The following ZNF804B variants were observed in gnomAD, a reference collection of about 807,000 sequenced individuals.
ZNF804B encodes zinc finger protein 804B.
A neutral mutation model predicts 101.4 loss-of-function variants in ZNF804B; 80 were observed. The ratio of observed to expected loss-of-function variants is 0.79; its 90% CI spans 0.66 to 0.95. The LOEUF (loss-of-function observed/expected upper bound fraction) is 0.95. Ranked by LOEUF, ZNF804B falls within the 40% of genes least tolerant of loss-of-function variation. The probability of loss-of-function intolerance (pLI) is 0.00; values close to 1 mark genes in which losing one functional copy is unlikely to be tolerated. For synonymous variants in ZNF804B, 622 were observed against 558.8 expected (o/e 1.11, Z -1.59); for missense variants, 1,673 against 1,561.9 (o/e 1.07, Z -1.20).
At chr7:89,298,247 T>TATAC (rs1356583042) in intron 2 of ZNF804B, among the ~76,000 whole-genome samples, 3 of 120,786 alleles carry the variant, frequency 2.5e-5, no homozygotes, top group African/African-American at 9.4e-5. Context: ...TATATATATA[T>TATAC]ATATATATAT....
At chr7:89,175,397 A>AT (rs1211668532) in intron 1 of ZNF804B, among the ~76,000 whole-genome samples, 4 of 151,736 alleles carry the variant, frequency 2.6e-5, no homozygotes, top group South Asian at 2.1e-4. Context: ...ATGTAGGGAT[A>AT]TTTTTTTCCG....
chr7:89,218,005 AC>A (rs1323929459), intron 1 of ZNF804B, 149 bp from the exon 2 acceptor site: 1 of 765,042 alleles, frequency 1.3e-6, no homozygotes, highest in African/African-American at 1.8e-5. Flanking sequence ...ATGATGCAAA[AC>A]TAAAAGTTAT....
chr7:89,066,891 T>A (rs1289070581), intron 1 of ZNF804B, among the ~76,000 whole-genome samples: 36 of 151,996 alleles, frequency 2.4e-4, no homozygotes, highest in Non-Finnish European at 3.4e-4. Context: ...GCCTCCTGAG[T>A]GTTCTTATTC....
chr7:88,848,916 ACAGGAGAG>A (rs1244211223), intron 1 of ZNF804B, among the ~76,000 whole-genome samples: 1 of 152,094 alleles, frequency 6.6e-6, no homozygotes, highest in Non-Finnish European at 1.5e-5. Context: ...AAGTTCCTGA[ACAGGAGAG>A]AGATGGATGA....
chr7:88,864,714 C>A (rs564813894), intron 1 of ZNF804B, among the ~76,000 whole-genome samples: 4 of 152,040 alleles, frequency 2.6e-5, no homozygotes, highest in African/African-American at 9.7e-5. Context: ...CATCTGGGAC[C>A]GAAAGCAATG....
At chr7:88,887,835 C>G (rs1792153518) in intron 1 of ZNF804B, among the ~76,000 whole-genome samples, 1 of 151,632 alleles carries the variant, frequency 6.6e-6, no homozygotes, top group Non-Finnish European at 1.5e-5. Context: ...TACCCAGTCT[C>G]CACAAACACA....
At chr7:88,838,750 G>T (rs1791252991) in intron 1 of ZNF804B, among the ~76,000 whole-genome samples, 1 of 151,856 alleles carries the variant, frequency 6.6e-6, no homozygotes, top group Admixed American at 6.6e-5. Flanking sequence ...CTTGAAAACT[G>T]AGAGAAATAG....
intron 2 of ZNF804B, among the ~76,000 whole-genome samples, chr7:89,280,422 A>C (rs2115867268): frequency 6.6e-6 from 1 of 152,106 alleles, no homozygotes; most frequent in Non-Finnish European, 1.5e-5. Context: ...GCAGAACTGA[A>C]GGAAATAGAG....
At position 89,336,438 on chromosome 7, in the gene ZNF804B, T is replaced by A. The variant is rs1791092165; in HGVS notation, c.3456T>A (p.Pro1152=). 4 of 1,614,078 alleles carry A rather than the reference T, an allele frequency of 2.5e-6. No individual in the cohort carries two copies. Among genetic ancestry groups the A allele is most frequent in the Non-Finnish European group, 3.4e-6 (4 of 1,179,994 alleles). Residue 1152 remains proline (P), a synonymous_variant, in exon 4 of 4, where the codon CCT becomes CCA. Coordinates refer to ENST00000333190, the MANE Select transcript of ZNF804B (RefSeq NM_181646.5). ...TTCAACAGCCCATAACATTTTCTCCTGACGAAATAGATAAATATAAGATCC... is the reference window on the plus strand; with the variant it reads ...TTCAACAGCCCATAACATTTTCTCCAGACGAAATAGATAAATATAAGATCC... The part of the protein sequence containing the change: ...PLIQQPITFS[P]DEIDKYKILQ...
At chr7:89,200,920 C>T (rs571182468) in intron 1 of ZNF804B, among the ~76,000 whole-genome samples, 4 of 152,008 alleles carry the variant, frequency 2.6e-5, no homozygotes, top group Non-Finnish European at 4.4e-5. Flanking sequence ...GTTTTACTTC[C>T]CCTTTTTTCT....
chr7:89,289,587 C>T (rs569631575), intron 2 of ZNF804B, among the ~76,000 whole-genome samples: 2 of 152,158 alleles, frequency 1.3e-5, no homozygotes, highest in East Asian at 1.9e-4. Context: ...GCATTAAGCT[C>T]AGTGCTGCCC....
intron 1 of ZNF804B, among the ~76,000 whole-genome samples, chr7:89,063,373 T>A (rs1789405882): frequency 6.6e-6 from 1 of 152,150 alleles, no homozygotes; most frequent in Non-Finnish European, 1.5e-5. Context: ...AAAATGTTCA[T>A]CTTTAGAATA....
chr7:88,873,064 GAAC>G (rs1791863527), intron 1 of ZNF804B, among the ~76,000 whole-genome samples: 2 of 151,780 alleles, frequency 1.3e-5, no homozygotes, highest in Admixed American at 1.3e-4. Flanking sequence ...CACAATGGTT[GAAC>G]TAGTTTACAG....
At chr7:89,196,185 T>C (rs1027985215) in intron 1 of ZNF804B, among the ~76,000 whole-genome samples, 1 of 152,082 alleles carries the variant, frequency 6.6e-6, no homozygotes, top group African/African-American at 2.4e-5. Flanking sequence ...CAAAAGAGCA[T>C]GATACCAGTA....
At chr7:88,962,708 C>CAT (rs71120046) in intron 1 of ZNF804B, among the ~76,000 whole-genome samples, 8,915 of 82,970 alleles carry the variant, frequency 0.11, 521 homozygotes, top group Non-Finnish European at 0.13. Flanking sequence ...GTTAAACTCA[C>CAT]ATATATATAT....
intron 1 of ZNF804B, among the ~76,000 whole-genome samples, chr7:89,139,673 GT>G (rs373898200): frequency 4.6e-4 from 70 of 152,130 alleles, no homozygotes; most frequent in African/African-American, 1.6e-3. Flanking sequence ...ATCCATTCAA[GT>G]TTTGTCATGT....
At chr7:88,980,225 T>C (rs867029262) in intron 1 of ZNF804B, among the ~76,000 whole-genome samples, 2 of 152,072 alleles carry the variant, frequency 1.3e-5, no homozygotes, top group African/African-American at 4.8e-5. Flanking sequence ...TGTTGAATTT[T>C]GTTGAGCTTC....
chr7:88,881,971 A>G (rs111466454), intron 1 of ZNF804B, among the ~76,000 whole-genome samples: 1 of 152,226 alleles, frequency 6.6e-6, no homozygotes, highest in African/African-American at 2.4e-5. Flanking sequence ...AGAGCTCTTC[A>G]GTAGAAAATA....
chr7:89,061,115 T>C (rs986937438), intron 1 of ZNF804B, among the ~76,000 whole-genome samples: 51 of 152,262 alleles, frequency 3.3e-4, no homozygotes, highest in Non-Finnish European at 4.4e-5. Flanking sequence ...TATACCCTTA[T>C]GACTGTTGTT....
Sources: gnomAD v4.1 joint callset for allele counts (sites outside exome capture counted in the v4.1 genomes callset) on GRCh38, gnomAD v4.1.1 for gene constraint, MANE v1.5 for transcripts, NCBI Gene and HGNC (gene_info 2026-07-23, HGNC 2026-07-21) for gene names.